ZGRF1: variants seen among roughly 807,000 people sequenced by gnomAD.
ZGRF1 encodes zinc finger GRF-type containing 1, also known as 5'-3' DNA helicase ZGRF1.
Under a neutral mutation model 203.5 loss-of-function variants are expected in ZGRF1, and 196 were observed. The observed-to-expected ratio is 0.96, with a 90% CI of 0.86 to 1.08. ZGRF1 has a LOEUF of 1.08. ZGRF1 is among the 50% of genes least tolerant of loss of function. ZGRF1 has a pLI of 0.00. For synonymous variants in ZGRF1, 809 were observed against 841.3 expected (o/e 0.96, Z 0.66); for missense variants, 2,326 against 2,416.3 (o/e 0.96, Z 0.78).
chr4:112,584,534 C>T (rs559875213), intron 14 of ZGRF1, among the ~76,000 whole-genome samples: 1 of 152,224 alleles, frequency 6.6e-6, no homozygotes, highest in East Asian at 1.9e-4. Flanking sequence ...ACACCACAAC[C>T]CAAAAAGAAC....
intron 16 of ZGRF1, chr4:112,564,855 T>C: frequency 1.7e-6 from 1 of 604,652 alleles, no homozygotes; most frequent in Non-Finnish European, 3.0e-6. Context: ...GAAGGTCACA[T>C]TATAAATTCT....
In ZGRF1 at chr4:112,568,634, C is replaced by G. The variant is rs953153617; in HGVS notation, c.4439-5360G>C. ...GCAGAGGCAGCAGAACCGCTTGAAC[C>G]CGGGAGGTGGAGGTTGCAGTGAGCC... is the stretch of plus-strand genomic sequence containing the variant. On this transcript the variant is annotated intron_variant, in intron 16 of 27. Transcript: ENST00000505019. Among the ~76,000 whole-genome samples, 3 of 149,400 alleles carry G rather than the reference C, an allele frequency of 2.0e-5. No individual in the cohort carries two copies. The Admixed American group carries it at 2.0e-4, about 10-fold the overall frequency.
At chr4:112,572,399 A>G (rs573273128) in intron 16 of ZGRF1, among the ~76,000 whole-genome samples, 27 of 152,310 alleles carry the variant, frequency 1.8e-4, no homozygotes, top group African/African-American at 6.5e-4. Flanking sequence ...ACAAAATTCA[A>G]CTAAACATGG....
At position 112,563,168 on chromosome 4, in the gene ZGRF1, AG is replaced by A; in HGVS notation, c.4544del (p.Pro1515LeufsTer2). On this transcript the variant is annotated frameshift_variant, in exon 17 of 28. Coordinates refer to ENST00000505019, the MANE Select transcript of ZGRF1 (RefSeq NM_018392.5). LOFTEE classifies it high-confidence loss of function. ...AATTAGAAGGGAAATAGCCTTTCAA[AG>A]GCAGTATTTCTATCTCATTGATAGA... The part of the protein sequence containing the change: ...PSSINEIEIL[P>X]LKGYFPSNWP... The A allele has an allele frequency of 2.6e-6, 4 of 1,550,446 alleles. No homozygotes were observed. The highest frequency in any genetic ancestry group is 3.5e-6 in the Non-Finnish European group (4 of 1,146,088).
At chr4:112,593,270 C>T (rs990439044) in intron 10 of ZGRF1, among the ~76,000 whole-genome samples, 1 of 152,144 alleles carries the variant, frequency 6.6e-6, no homozygotes, top group African/African-American at 2.4e-5. Flanking sequence ...CCAGTAACAT[C>T]CATGATTCTA....
chr4:112,588,828 T>A (rs1747671522), intron 11 of ZGRF1, among the ~76,000 whole-genome samples: 1 of 152,164 alleles, frequency 6.6e-6, no homozygotes, highest in African/African-American at 2.4e-5. Flanking sequence ...TTTTATAAAG[T>A]GCTATGCTGT....
At chr4:112,627,533 G>A (rs2047278252) in intron 3 of ZGRF1, among the ~76,000 whole-genome samples, 1 of 152,114 alleles carries the variant, frequency 6.6e-6, no homozygotes, top group Admixed American at 6.6e-5. Context: ...CTGAGGTCGA[G>A]AGTTTGAGAC....
chr4:112,547,997 A>T (rs1216341000), intron 23 of ZGRF1, among the ~76,000 whole-genome samples: 1 of 151,818 alleles, frequency 6.6e-6, no homozygotes, highest in Non-Finnish European at 1.5e-5. Context: ...GCTGGAGTGC[A>T]GTCGTTCAAT....
intron 16 of ZGRF1, among the ~76,000 whole-genome samples, chr4:112,578,501 T>C: frequency 8.4e-6 from 1 of 118,712 alleles, no homozygotes; most frequent in Non-Finnish European, 1.9e-5. Context: ...TTTGAAAAGA[T>C]CAACAAAATT....
At chr4:112,594,493 C>T (rs1369773710) in intron 10 of ZGRF1, among the ~76,000 whole-genome samples, 1 of 150,764 alleles carries the variant, frequency 6.6e-6, no homozygotes, top group African/African-American at 2.4e-5. Context: ...CGCTCTGTCA[C>T]CCAGGCTAGA....
Sources: gnomAD v4.1 joint callset for allele counts (sites outside exome capture counted in the v4.1 genomes callset) on GRCh38, gnomAD v4.1.1 for gene constraint, MANE v1.5 for transcripts, NCBI Gene and HGNC (gene_info 2026-07-23, HGNC 2026-07-21) for gene names.